Variants in VCAM1 observed in about 807,000 individuals in gnomAD.
The protein encoded by VCAM1 is vascular cell adhesion molecule 1.
VCAM1 carries 41 observed loss-of-function variants against 63.8 expected under a neutral mutation model. That is an observed-to-expected ratio of 0.64 (90% CI 0.50 to 0.83). The LOEUF is 0.83. Among genes scored for constraint, VCAM1 ranks in the 40% least tolerant of loss-of-function variants. VCAM1 has a pLI of 0.00. For synonymous variants in VCAM1, 338 were observed against 320.7 expected (o/e 1.05, Z -0.58); for missense variants, 798 against 875.5 (o/e 0.91, Z 1.12).
Position 100,731,186 on chromosome 1 carries a change from T to C in VCAM1, c.1205-12T>C, listed in dbSNP as rs1274281556. On this transcript the variant is annotated splice_polypyrimidine_tract_variant and intron_variant, in intron 5 of 8. Coordinates refer to ENST00000294728, the MANE Select transcript of VCAM1 (RefSeq NM_001078.4). The surrounding 1 kb of genome is among the most constrained non-coding windows in gnomAD (Gnocchi z 4.2). ...ATCAAGAATAAAAATCGTTTTTGCT[T>C]GCGATTTGCAGCATTCCCTAGAGAT... is the stretch of plus-strand genomic sequence containing the variant. The C allele has an allele frequency of 1.3e-6, 2 of 1,570,116 alleles. No homozygotes were observed. Among genetic ancestry groups the C allele is most frequent in the East Asian group, 4.5e-5 (2 of 44,374 alleles).
At chr1:100,735,990 T>C (rs1445147861) in intron 8 of VCAM1, 1 of 152,200 alleles carries the variant, frequency 6.6e-6, no homozygotes, top group East Asian at 1.9e-4. Flanking sequence ...TATGAGTAGG[T>C]TGAATTTACT....
In VCAM1 at chr1:100,732,433, C is replaced by T; in HGVS notation, c.1541C>T (p.Thr514Ile). ...TLYVNVAPRD[T>I]TVLVSPSSIL... The stretch of plus-strand genomic sequence containing the variant: ...GCCTTTTCAGTTGCCCCCAGAGATA[C>T]AACCGTCTTGGTCAGCCCTTCCTCC... The change falls in exon 7 of 9, where the codon ACA (threonine) becomes ATA (isoleucine). Residue 514 changes from threonine to isoleucine, a missense_variant. By Grantham distance (89) the Thr-to-Ile change is moderately conservative. Transcript: ENST00000294728. 2 of 1,571,624 alleles carry T rather than the reference C, an allele frequency of 1.3e-6. No individual in the cohort carries two copies. The highest frequency in any genetic ancestry group is 1.7e-6 in the Non-Finnish European group (2 of 1,161,936).
At position 100,724,627 on chromosome 1, in the gene VCAM1, C is replaced by T; in HGVS notation, c.665C>T (p.Ser222Leu). Residue 222 changes from serine to leucine, a missense_variant, in exon 4 of 9, where the codon TCA (serine) becomes TTA (leucine). By Grantham distance (145) the Ser-to-Leu change is moderately radical. Transcript: ENST00000294728. Reference protein sequence around the residue: ...QAVKELQVYISPKNTVISVNP... With the variant: ...QAVKELQVYILPKNTVISVNP... ...ATATTATTTTTTGCCCTTTCAGTATCACCCAAGAATACAGTTATTTCTGTG... is the reference window on the plus strand; with the variant it reads ...ATATTATTTTTTGCCCTTTCAGTATTACCCAAGAATACAGTTATTTCTGTG... The T allele has an allele frequency of 6.2e-7, 1 of 1,610,518 alleles. No individual in the cohort carries two copies. The highest frequency in any genetic ancestry group is 8.5e-7 in the Non-Finnish European group (1 of 1,177,618).
chr1:100,720,795 T>A, intron 2 of VCAM1, 44 bp downstream of exon 2: 1 of 1,546,330 alleles, frequency 6.5e-7, no homozygotes, highest in Non-Finnish European at 8.7e-7. Context: ...AATTTTACTT[T>A]AAAATCACTT....
At chr1:100,734,431 T>G in intron 7 of VCAM1, 71 bp from the exon 8 acceptor site, 1 of 1,500,472 alleles carries the variant, frequency 6.7e-7, no homozygotes, top group Non-Finnish European at 9.0e-7. Context: ...CTATTGTTGA[T>G]GTCGCTAAAT....
In VCAM1 at chr1:100,734,569, C is replaced by G. The variant is rs148968921; in HGVS notation, c.1860C>G (p.Ile620Met). 6.2e-7 allele frequency: 1 copy of G among 1,613,852 alleles called. No individual in the cohort carries two copies. Among genetic ancestry groups the G allele is most frequent in the South Asian group, 1.1e-5 (1 of 91,070 alleles). Reference sequence around the variant, plus strand: ...GTGTCAAAGAAGGAGACACTGTCATCATCTCTTGTACATGTGGAAATGTTC... The same window carrying G: ...GTGTCAAAGAAGGAGACACTGTCATGATCTCTTGTACATGTGGAAATGTTC... ...SESVKEGDTV[I>M]ISCTCGNVPE... The change falls in exon 8 of 9, where the codon ATC becomes ATG. Residue 620 changes from isoleucine (I) to methionine (M), a missense_variant. Coordinates refer to ENST00000294728, the MANE Select transcript of VCAM1 (RefSeq NM_001078.4).
chr1:100,723,153 C>T lies in VCAM1; in HGVS notation c.474C>T (p.Leu158=). The T allele has an allele frequency of 6.2e-7, 1 of 1,613,100 alleles. No homozygotes were observed. ...TAGACTTACTGAAAGGAGATCATCTCATGAAGAGTCAGGAATTTCTGGAGG... is the reference window on the plus strand; with the variant it reads ...TAGACTTACTGAAAGGAGATCATCTTATGAAGAGTCAGGAATTTCTGGAGG... ...LEIDLLKGDH[L]MKSQEFLEDA... Residue 158 remains leucine, a synonymous_variant, in exon 3 of 9, where the codon CTC becomes CTT. Transcript: ENST00000294728.
chr1:100,738,243 G>T lies in VCAM1; in HGVS notation c.2180G>T (p.Gly727Val). ...TTTGCAAGAAAAGCCAACATGAAGG[G>T]GTCATATAGTCTTGTAGAAGCACAG... ...IYFARKANMK[G>V]SYSLVEAQKS... The change falls in exon 9 of 9, where the codon GGG becomes GTG. Residue 727 changes from glycine (G) to valine (V), a missense_variant. By Grantham distance (109) the Gly-to-Val change is moderately radical. Coordinates refer to ENST00000294728, the MANE Select transcript of VCAM1 (RefSeq NM_001078.4). The T allele has an allele frequency of 6.2e-7, 1 of 1,613,648 alleles. No homozygotes were observed. Among genetic ancestry groups the T allele is most frequent in the South Asian group, 1.1e-5 (1 of 91,028 alleles).
chr1:100,738,864 A>G lies in VCAM1; in HGVS notation c.*581A>G, dbSNP rs1410638209. 2.6e-5 allele frequency: 4 copies of G among 152,308 alleles called. No individual in the cohort carries two copies. The highest frequency in any genetic ancestry group is 9.6e-5 in the African/African-American group (4 of 41,462). The allele number at this position is 152,308 out of a possible 1,614,324, so 9.4% of individuals were successfully genotyped here. A position where few individuals can be genotyped will look rare whatever the true frequency, so the allele number is the denominator to read the frequency against. ...GGTACTAAATACCTCAACCTATGGT[A>G]TAATGGTTGACTGGGTTTCTCTGTA... On this transcript the variant is annotated 3_prime_UTR_variant, in exon 9 of 9. Coordinates refer to ENST00000294728, the MANE Select transcript of VCAM1 (RefSeq NM_001078.4).
In VCAM1 at chr1:100,723,172, C is replaced by T. The variant is rs1660023636; in HGVS notation, c.493C>T (p.Leu165=). ...GDHLMKSQEF[L]EDADRKSLET... is the part of the protein sequence containing the mutation. ...TCATCTCATGAAGAGTCAGGAATTT[C>T]TGGAGGATGCAGACAGGAAGTCCCT... Residue 165 remains leucine (L), a synonymous_variant, in exon 3 of 9, where the codon CTG becomes TTG. Transcript: ENST00000294728. 6.2e-7 allele frequency: 1 copy of T among 1,613,154 alleles called. No homozygotes were observed. Among genetic ancestry groups the T allele is most frequent in the South Asian group, 1.1e-5 (1 of 91,066 alleles).
At chr1:100,723,668 T>A (rs1386126467) in intron 3 of VCAM1, among the ~76,000 whole-genome samples, 5 of 152,108 alleles carry the variant, frequency 3.3e-5, no homozygotes, top group African/African-American at 1.2e-4. Context: ...TAAAACATTT[T>A]AATATTGTTT....
Position 100,731,082 on chromosome 1 carries a change from C to T in VCAM1, c.1205-116C>T. On this transcript the variant is annotated intron_variant, in intron 5 of 8. Transcript: ENST00000294728. The surrounding 1 kb of genome is among the most constrained non-coding windows in gnomAD (Gnocchi z 4.2). ...CTGTCATTACTTATATATTGACAGT[C>T]ATTCTATCCCAGGTGACTTAAAGCT... 1 of 847,648 alleles carries T rather than the reference C, an allele frequency of 1.2e-6. No individual in the cohort carries two copies. Among genetic ancestry groups the T allele is most frequent in the East Asian group, 2.7e-5 (1 of 37,376 alleles). 52.5% of individuals were successfully genotyped at this position (847,648 alleles called of 1,614,324 possible).
At chr1:100,732,962 G>A (rs1490259540) in intron 7 of VCAM1, among the ~76,000 whole-genome samples, 2 of 152,178 alleles carry the variant, frequency 1.3e-5, no homozygotes, top group Non-Finnish European at 2.9e-5. Context: ...TGAGGCAATG[G>A]TTATGGTATT....
intron 2 of VCAM1, among the ~76,000 whole-genome samples, chr1:100,722,085 T>C (rs531459408): frequency 6.6e-6 from 1 of 152,078 alleles, no homozygotes; most frequent in African/African-American, 2.4e-5. Flanking sequence ...CCTTTCCGCA[T>C]TTGATTGTAA....
Position 100,732,435 on chromosome 1 carries a change from A to G in VCAM1, c.1543A>G (p.Thr515Ala). 6.4e-7 allele frequency: 1 copy of G among 1,573,866 alleles called. No individual in the cohort carries two copies. The highest frequency in any genetic ancestry group is 2.0e-5 in the Admixed American group (1 of 50,920). ...LYVNVAPRDTTVLVSPSSILE... is the reference protein window; with the variant it reads ...LYVNVAPRDTAVLVSPSSILE... Reference sequence around the variant, plus strand: ...CTTTTCAGTTGCCCCCAGAGATACAACCGTCTTGGTCAGCCCTTCCTCCAT... The same window carrying G: ...CTTTTCAGTTGCCCCCAGAGATACAGCCGTCTTGGTCAGCCCTTCCTCCAT... The change falls in exon 7 of 9, where the codon ACC becomes GCC. Residue 515 changes from threonine to alanine, a missense_variant. Physicochemically the swap from Thr to Ala is moderately conservative, Grantham distance 58. Coordinates refer to ENST00000294728, the MANE Select transcript of VCAM1 (RefSeq NM_001078.4).
Position 100,732,548 on chromosome 1 carries a change from C to T in VCAM1, c.1656C>T (p.Asn552=), listed in dbSNP as rs201744628. 86 of 1,613,092 alleles carry T rather than the reference C, an allele frequency of 5.3e-5. No homozygotes were observed. In the Admixed American group the frequency reaches 7.5e-4, roughly 14 times the overall value. Residue 552 remains asparagine, a synonymous_variant, in exon 7 of 9, where the codon AAC becomes AAT. Transcript: ENST00000294728. ...PKILWSRQLP[N]GELQPLSENA... is the part of the protein sequence containing the mutation. ...TCCTGTGGAGCAGGCAGCTCCCTAA[C>T]GGGGAGCTACAGCCTCTTTCTGAGA...
At position 100,720,528 on chromosome 1, in the gene VCAM1, T is replaced by C. The variant is rs145509462; in HGVS notation, c.117T>C (p.Ile39=). Residue 39 remains isoleucine (I), a synonymous_variant, in exon 2 of 9, where the codon ATT becomes ATC. Coordinates refer to ENST00000294728, the MANE Select transcript of VCAM1 (RefSeq NM_001078.4). ...TTPESRYLAQ[I]GDSVSLTCST... ...CAGAATCTAGATATCTTGCTCAGAT[T>C]GGTGACTCCGTCTCATTGACTTGCA... The C allele has an allele frequency of 1.7e-3, 2,762 of 1,613,340 alleles. 5 individuals are homozygous for C. The highest frequency in any genetic ancestry group is 2.2e-3 in the Non-Finnish European group (2,572 of 1,179,470).
chr1:100,723,320 T>C lies in VCAM1; in HGVS notation c.641T>C (p.Val214Ala), dbSNP rs749688137. Residue 214 changes from valine (V) to alanine (A), a missense_variant, in exon 3 of 9, where the codon GTA becomes GCA. Coordinates refer to ENST00000294728, the MANE Select transcript of VCAM1 (RefSeq NM_001078.4). ...MDSVPTVRQA[V>A]KELQVYISPK... ...TCTGTGCCCACAGTAAGGCAGGCTG[T>C]AAAAGAATTGCAAGTCTACAGTAAG... 1.2e-6 allele frequency: 2 copies of C among 1,612,484 alleles called. No homozygotes were observed. Among genetic ancestry groups the C allele is most frequent in the Non-Finnish European group, 1.7e-6 (2 of 1,178,962 alleles).
intron 7 of VCAM1, among the ~76,000 whole-genome samples, chr1:100,734,043 C>T (rs151130657): frequency 2.8e-4 from 42 of 152,168 alleles, no homozygotes; most frequent in Middle Eastern, 3.4e-3. Context: ...CTTAACATGG[C>T]GGCAGGCAAG....
Sources: allele counts gnomAD v4.1 joint callset (sites outside exome capture counted in the v4.1 genomes callset), GRCh38; gene constraint gnomAD v4.1.1; non-coding constraint Gnocchi (gnomAD v3.1); transcripts MANE v1.5; gene names NCBI Gene and HGNC (gene_info 2026-07-23, HGNC 2026-07-21).